Variants in LRGUK observed in about 807,000 individuals in gnomAD.
LRGUK encodes leucine rich repeats and guanylate kinase domain containing.
LRGUK carries 65 observed loss-of-function variants against 76.0 expected under a neutral mutation model. The observed-to-expected ratio is 0.85, with a 90% CI of 0.70 to 1.05. LRGUK has a LOEUF of 1.05. Ranked by LOEUF, LRGUK falls within the 50% of genes least tolerant of loss-of-function variation. The pLI is 0.00. For synonymous variants in LRGUK, 268 were observed against 265.6 expected (o/e 1.01, Z -0.09); for missense variants, 758 against 732.8 (o/e 1.03, Z -0.40).
chr7:134,159,542 G>A (rs962854033), intron 6 of LRGUK, among the ~76,000 whole-genome samples: 12 of 152,256 alleles, frequency 7.9e-5, no homozygotes, highest in Admixed American at 2.0e-4. Flanking sequence ...TGTAATCCCA[G>A]CACTTTGGGA....
intron 15 of LRGUK, among the ~76,000 whole-genome samples, chr7:134,205,974 T>A (rs1435600112): frequency 1.3e-5 from 2 of 152,240 alleles, no homozygotes; most frequent in Non-Finnish European, 2.9e-5. Context: ...TTTGTAATTT[T>A]ATGTTGCTAA....
the LRGUK span, among the ~76,000 whole-genome samples, chr7:134,273,725 A>G: frequency 8.2e-4 from 124 of 152,134 alleles, no homozygotes; most frequent in Non-Finnish European, 1.2e-3. Context: ...GTTGAAAAAT[A>G]TGTTATTTTA....
chr7:134,204,270 A>G (rs1346203741), intron 15 of LRGUK, among the ~76,000 whole-genome samples: 1 of 152,234 alleles, frequency 6.6e-6, no homozygotes, highest in African/African-American at 2.4e-5. Context: ...CATTTGGTAA[A>G]TTAATAGACC....
chr7:134,135,883 C>G (rs780764124), intron 1 of LRGUK, among the ~76,000 whole-genome samples: 1 of 152,192 alleles, frequency 6.6e-6, no homozygotes, highest in African/African-American at 2.4e-5. Flanking sequence ...GTCTCGATCT[C>G]CTGACCTTGC....
chr7:134,244,824 C>T (rs1802252309), intron 16 of LRGUK, among the ~76,000 whole-genome samples: 2 of 152,152 alleles, frequency 1.3e-5, no homozygotes, highest in Non-Finnish European at 2.9e-5. Context: ...CAGTGATAGA[C>T]TGGATTAAGA....
At chr7:134,191,825 T>C (rs1211158112) in intron 12 of LRGUK, 74 bp downstream of exon 12, 1 of 1,020,132 alleles carries the variant, frequency 9.8e-7, no homozygotes, top group East Asian at 2.6e-5. Flanking sequence ...GAAATAGTTA[T>C]AAATAAAAAA....
At chr7:134,241,123 G>A (rs1802139050) in intron 16 of LRGUK, among the ~76,000 whole-genome samples, 1 of 152,144 alleles carries the variant, frequency 6.6e-6, no homozygotes, top group Non-Finnish European at 1.5e-5. Context: ...GACCATCGAT[G>A]CTAGGAAGAA....
chr7:134,159,888 A>C (rs1378114829), intron 6 of LRGUK, among the ~76,000 whole-genome samples: 1 of 152,230 alleles, frequency 6.6e-6, no homozygotes, highest in African/African-American at 2.4e-5. Flanking sequence ...CTGAGGATGA[A>C]CCTGAGGGTT....
chr7:134,200,012 A>G (rs1298128603), intron 14 of LRGUK, among the ~76,000 whole-genome samples: 2 of 129,046 alleles, frequency 1.5e-5, no homozygotes, highest in African/African-American at 5.7e-5. Context: ...ATATATATAT[A>G]TATATATATA....
chr7:134,228,728 A>G (rs563087405), intron 16 of LRGUK, among the ~76,000 whole-genome samples: 196 of 152,312 alleles, frequency 1.3e-3, no homozygotes, highest in Non-Finnish European at 2.1e-3. Context: ...TGGAGATGAA[A>G]TGTTCTAGAA....
intron 19 of LRGUK, among the ~76,000 whole-genome samples, chr7:134,262,992 AAGG>A (rs1802772613): frequency 6.9e-6 from 1 of 144,620 alleles, no homozygotes; most frequent in South Asian, 2.3e-4. Context: ...AAAAAAAAAA[AAGG>A]AGGAGTTTTT....
chr7:134,265,719 G>A (rs554521862), downstream of LRGUK, among the ~76,000 whole-genome samples: 3 of 152,286 alleles, frequency 2.0e-5, no homozygotes, highest in Admixed American at 1.3e-4. Context: ...AGGTGTTGTG[G>A]ACAGCCAGGA....
chr7:134,136,945 G>A (rs759704700), intron 1 of LRGUK, 78 bp from the exon 2 acceptor site: 69 of 1,208,436 alleles, frequency 5.7e-5, no homozygotes, highest in Non-Finnish European at 8.1e-5. Context: ...TACTAAATAA[G>A]TGCTGGATAT....
intron 16 of LRGUK, among the ~76,000 whole-genome samples, chr7:134,242,731 C>G (rs1042496909): frequency 3.9e-5 from 6 of 152,226 alleles, no homozygotes; most frequent in South Asian, 2.1e-4. Flanking sequence ...GATACTAAAG[C>G]CTGGCAGAGA....
intron 17 of LRGUK, 89 bp from the exon 18 acceptor site, chr7:134,248,862 A>G: frequency 1.9e-6 from 2 of 1,071,582 alleles, no homozygotes; most frequent in African/African-American, 1.7e-5. Context: ...ATTTGCGTTT[A>G]TCTGGGATAT....
chr7:134,129,316 TCTTTCTTC>T, intron 1 of LRGUK, among the ~76,000 whole-genome samples: 1 of 123,866 alleles, frequency 8.1e-6, no homozygotes, highest in South Asian at 3.3e-4. Flanking sequence ...TTTCCTTCTT[TCTTTCTTC>T]CCTCCCTCCC....
At chr7:134,212,673 A>G (rs1662749976), downstream of LRGUK, among the ~76,000 whole-genome samples, 1 of 152,218 alleles carries the variant, frequency 6.6e-6, no homozygotes, top group South Asian at 2.1e-4. Context: ...CTAAAAGTGT[A>G]TTTATTTTTA....
chr7:134,246,668 C>T (rs1163303470), intron 16 of LRGUK, among the ~76,000 whole-genome samples: 2 of 152,168 alleles, frequency 1.3e-5, no homozygotes, highest in African/African-American at 4.8e-5. Context: ...ATCAAAACAG[C>T]AAGGCTTATT....
In LRGUK at chr7:134,225,502, G is replaced by A. The variant is rs994472546; in HGVS notation, c.1983+3584G>A. Among the ~76,000 whole-genome samples, 5 of 152,314 alleles carry A rather than the reference G, an allele frequency of 3.3e-5. No individual in the cohort carries two copies. In the South Asian group the frequency reaches 1.0e-3, roughly 32 times the overall value. On this transcript the variant is annotated intron_variant, in intron 16 of 19. Transcript: ENST00000285928. ...TGGTAGTAATTTGCAGAGCCCTGAG[G>A]TTCTGGTGCCTTTGCCTCTCAGTGC...
Sources: gnomAD v4.1 joint callset for allele counts (sites outside exome capture counted in the v4.1 genomes callset) on GRCh38, gnomAD v4.1.1 for gene constraint, MANE v1.5 for transcripts, NCBI Gene and HGNC (gene_info 2026-07-23, HGNC 2026-07-21) for gene names.